Variants in PRKCE observed in about 807,000 individuals in gnomAD.
PRKCE encodes protein kinase C epsilon, also known as protein kinase C epsilon type.
Under a neutral mutation model 85.4 loss-of-function variants are expected in PRKCE, and 16 were observed. The ratio of observed to expected loss-of-function variants is 0.19; its 90% CI spans 0.13 to 0.28. PRKCE has a LOEUF of 0.28. Among genes scored for constraint, PRKCE ranks in the 10% least tolerant of loss-of-function variants. The pLI is 1.00. For missense variants in PRKCE, 573 were observed against 975.2 expected (o/e 0.59, Z 5.49); for synonymous variants, 388 against 371.5 (o/e 1.04, Z -0.51).
intron 1 of PRKCE, among the ~76,000 whole-genome samples, chr2:45,825,808 A>C (rs1025737288): frequency 2.0e-5 from 3 of 152,156 alleles, no homozygotes; most frequent in African/African-American, 7.2e-5. Flanking sequence ...AGATCACTTG[A>C]GCCCAGGAGT....
At chr2:45,675,017 A>G (rs372014227) in intron 1 of PRKCE, 18 of 152,222 alleles carry the variant, frequency 1.2e-4, no homozygotes, top group African/African-American at 4.3e-4. Flanking sequence ...TGGGTGATCC[A>G]TATGCCTAAT....
intron 2 of PRKCE, among the ~76,000 whole-genome samples, chr2:45,897,274 C>A (rs1319161485): frequency 1.3e-5 from 2 of 152,150 alleles, no homozygotes; most frequent in Non-Finnish European, 2.9e-5. Context: ...TCTTGGCCAG[C>A]ATTCCCAGAC....
chr2:45,691,268 A>G (rs1408346488), intron 1 of PRKCE, among the ~76,000 whole-genome samples: 1 of 152,080 alleles, frequency 6.6e-6, no homozygotes. Flanking sequence ...CTCAGATTTG[A>G]TTTCCTCAGA....
At chr2:46,097,619 A>ACGT (rs1558451553) in intron 11 of PRKCE, among the ~76,000 whole-genome samples, 1 of 151,922 alleles carries the variant, frequency 6.6e-6, no homozygotes, top group Non-Finnish European at 1.5e-5. Flanking sequence ...ACCCGGCCCA[A>ACGT]GCCCTGGTCC....
At chr2:45,740,657 C>G (rs1377594424) in intron 1 of PRKCE, among the ~76,000 whole-genome samples, 1 of 152,208 alleles carries the variant, frequency 6.6e-6, no homozygotes. Flanking sequence ...CCCATTCTCT[C>G]AAACTCCTCC....
intron 10 of PRKCE, chr2:46,073,901 T>C (rs992020849): frequency 6.6e-6 from 1 of 152,170 alleles, no homozygotes; most frequent in African/African-American, 2.4e-5. Flanking sequence ...CAGACCACGC[T>C]ATGCACGTAT....
chr2:45,985,447 T>C (rs573669771), intron 6 of PRKCE, among the ~76,000 whole-genome samples: 1 of 152,264 alleles, frequency 6.6e-6, no homozygotes, highest in South Asian at 2.1e-4. Context: ...TGGGCAACCG[T>C]GAACTACTAG....
At chr2:46,026,119 G>A (rs1359130003) in intron 10 of PRKCE, among the ~76,000 whole-genome samples, 5 of 152,202 alleles carry the variant, frequency 3.3e-5, no homozygotes, top group Non-Finnish European at 5.9e-5. Flanking sequence ...AGACACTATT[G>A]AGCATGAAAT....
rs539470509 is a variant in PRKCE at position 45,654,856 on chromosome 2, G to A, written c.348+2408G>A. Reference sequence around the variant, plus strand: ...TGGCCCCTGGAAATGGAGACAAGTTGCAGCTGGGCTAAGTTCACCTTTCCC... The same window carrying A: ...TGGCCCCTGGAAATGGAGACAAGTTACAGCTGGGCTAAGTTCACCTTTCCC... On this transcript the variant is annotated intron_variant, in intron 1 of 14. Coordinates refer to ENST00000306156, the MANE Select transcript of PRKCE (RefSeq NM_005400.3). 2.6e-5 allele frequency among the ~76,000 whole-genome samples: 4 copies of A among 152,248 alleles called. No individual in the cohort carries two copies. The East Asian group carries it at 7.7e-4, about 29-fold the overall frequency.
chr2:45,730,528 C>T (rs1224722641), intron 1 of PRKCE, among the ~76,000 whole-genome samples: 2 of 150,782 alleles, frequency 1.3e-5, no homozygotes, highest in Non-Finnish European at 2.9e-5. Context: ...GGCACAATCT[C>T]GGCTCACTGC....
chr2:45,852,182 C>T (rs1024772995), intron 2 of PRKCE, among the ~76,000 whole-genome samples: 5 of 152,146 alleles, frequency 3.3e-5, no homozygotes, highest in African/African-American at 4.8e-5. Flanking sequence ...AGTCAGCTGC[C>T]GATGGTCATA....
intron 1 of PRKCE, among the ~76,000 whole-genome samples, chr2:45,789,464 T>C (rs1043322027): frequency 1.3e-5 from 2 of 152,244 alleles, no homozygotes; most frequent in South Asian, 4.1e-4. Flanking sequence ...CATATGGGCA[T>C]GTAACTCATC....
At chr2:45,669,820 G>A (rs147159809) in intron 1 of PRKCE, among the ~76,000 whole-genome samples, 3 of 152,220 alleles carry the variant, frequency 2.0e-5, no homozygotes, top group Non-Finnish European at 4.4e-5. Context: ...AGACCAGCCT[G>A]GCCAACATGG....
At chr2:45,835,099 A>T (rs1262474775) in intron 1 of PRKCE, among the ~76,000 whole-genome samples, 1 of 152,226 alleles carries the variant, frequency 6.6e-6, no homozygotes, top group Non-Finnish European at 1.5e-5. Context: ...GGTGTACATT[A>T]TGTTGTTTCA....
At chr2:45,946,871 C>CT (rs1156374271) in intron 2 of PRKCE, among the ~76,000 whole-genome samples, 1 of 152,256 alleles carries the variant, frequency 6.6e-6, no homozygotes, top group Admixed American at 6.5e-5. Context: ...CTCCTATTAA[C>CT]TGTGCATATG....
chr2:45,773,143 G>A (rs1685475819), intron 1 of PRKCE, among the ~76,000 whole-genome samples: 1 of 152,190 alleles, frequency 6.6e-6, no homozygotes, highest in Non-Finnish European at 1.5e-5. Flanking sequence ...GTGGGTCTTT[G>A]AAGGTCATAA....
At chr2:46,107,019 G>A (rs1277449207) in intron 11 of PRKCE, among the ~76,000 whole-genome samples, 2 of 152,186 alleles carry the variant, frequency 1.3e-5, no homozygotes, top group East Asian at 1.9e-4. Context: ...AAATTTGAGT[G>A]TATTAAGTTT....
At chr2:45,955,869 A>G (rs1574014865) in intron 2 of PRKCE, among the ~76,000 whole-genome samples, 1 of 152,304 alleles carries the variant, frequency 6.6e-6, no homozygotes, top group East Asian at 1.9e-4. Context: ...GAGTTTTGAC[A>G]ATTACATACA....
At chr2:45,795,977 A>G (rs1020810818) in intron 1 of PRKCE, among the ~76,000 whole-genome samples, 2 of 152,222 alleles carry the variant, frequency 1.3e-5, no homozygotes, top group Non-Finnish European at 2.9e-5. Context: ...AACACAGCTC[A>G]TTATTTCTAA....
Sources: gnomAD v4.1 joint callset for allele counts (sites outside exome capture counted in the v4.1 genomes callset) on GRCh38, gnomAD v4.1.1 for gene constraint, MANE v1.5 for transcripts, NCBI Gene and HGNC (gene_info 2026-07-23, HGNC 2026-07-21) for gene names.